Variants in SLC24A2 observed in about 807,000 individuals in gnomAD.
SLC24A2 encodes sodium/potassium/calcium exchanger 2.
In SLC24A2, 36 loss-of-function variants were observed where a neutral mutation model predicts 62.0. The ratio of observed to expected loss-of-function variants is 0.58; its 90% CI spans 0.44 to 0.77. SLC24A2 has a LOEUF of 0.77. SLC24A2 is among the 30% of genes least tolerant of loss of function. SLC24A2 has a pLI of 0.00. For synonymous variants in SLC24A2, 358 were observed against 294.0 expected (o/e 1.22, Z -2.23); for missense variants, 846 against 817.9 (o/e 1.03, Z -0.42).
the SLC24A2 span, chr9:19,927,814 C>T: frequency 6.6e-6 from 1 of 152,332 alleles, no homozygotes; most frequent in East Asian, 1.9e-4. Context: ...GGGGTGTGAA[C>T]TGAAACCCAA....
the SLC24A2 span, among the ~76,000 whole-genome samples, chr9:20,196,177 C>A: frequency 6.6e-6 from 1 of 152,152 alleles, no homozygotes; most frequent in South Asian, 2.1e-4. Context: ...CACTATTTGA[C>A]AATATGTATA....
chr9:19,790,064 C>T (rs758625975), upstream of SLC24A2, among the ~76,000 whole-genome samples: 3 of 151,460 alleles, frequency 2.0e-5, no homozygotes, highest in East Asian at 3.9e-4. Context: ...CTTCCCCCCA[C>T]CCCCCAATCA....
At chr9:19,990,882 C>T in the SLC24A2 span, among the ~76,000 whole-genome samples, 5 of 119,520 alleles carry the variant, frequency 4.2e-5, no homozygotes, top group African/African-American at 1.3e-4. Context: ...AATAGGGTTC[C>T]GTGCTGTATT....
the SLC24A2 span, among the ~76,000 whole-genome samples, chr9:20,275,780 C>T: frequency 2.6e-5 from 4 of 152,178 alleles, no homozygotes; most frequent in Non-Finnish European, 4.4e-5. Flanking sequence ...TTTGATGCGG[C>T]TGGGGAGGCC....
chr9:20,235,971 C>T, the SLC24A2 span, among the ~76,000 whole-genome samples: 1 of 152,174 alleles, frequency 6.6e-6, no homozygotes, highest in African/African-American at 2.4e-5. Flanking sequence ...GTTGTACTCC[C>T]ATTATGCAAC....
chr9:19,661,280 CATATTTGTTATTTAACCGACACCTCTA>C (rs1819092357), intron 2 of SLC24A2, among the ~76,000 whole-genome samples: 1 of 151,448 alleles, frequency 6.6e-6, no homozygotes, highest in African/African-American at 2.4e-5. Flanking sequence ...CATATTTTTG[CATATTTGTTATTTAACCGACACCTCTA>C]ATGACCAGTC....
chr9:20,226,486 C>T, the SLC24A2 span, among the ~76,000 whole-genome samples: 1 of 152,114 alleles, frequency 6.6e-6, no homozygotes, highest in Admixed American at 6.6e-5. Context: ...GAGGTAAAAC[C>T]GTGGTTCACA....
chr9:19,671,558 T>C (rs773163281), intron 2 of SLC24A2, among the ~76,000 whole-genome samples: 1 of 152,158 alleles, frequency 6.6e-6, no homozygotes, highest in East Asian at 1.9e-4. Flanking sequence ...CTTTCTCTTA[T>C]CTGATTGCTC....
intron 2 of SLC24A2, among the ~76,000 whole-genome samples, chr9:19,668,483 T>C (rs1448297941): frequency 3.9e-5 from 6 of 152,214 alleles, no homozygotes; most frequent in Admixed American, 3.9e-4. Flanking sequence ...TCAATCTTTG[T>C]TCTCCTCTAC....
At chr9:19,744,294 C>T (rs1018280707) in intron 2 of SLC24A2, among the ~76,000 whole-genome samples, 1 of 152,104 alleles carries the variant, frequency 6.6e-6, no homozygotes, top group Non-Finnish European at 1.5e-5. Flanking sequence ...TGGATGTTCC[C>T]ATTTCTTCTT....
chr9:19,867,409 T>G, the SLC24A2 span, among the ~76,000 whole-genome samples: 2 of 152,190 alleles, frequency 1.3e-5, no homozygotes, highest in Non-Finnish European at 2.9e-5. Context: ...TCGATTTCAG[T>G]AATTTGTGTC....
chr9:19,906,898 C>CA, the SLC24A2 span, among the ~76,000 whole-genome samples: 1 of 152,164 alleles, frequency 6.6e-6, no homozygotes, highest in Non-Finnish European at 1.5e-5. Context: ...ACCAGAGGTA[C>CA]AAGGAGGAGC....
the SLC24A2 span, among the ~76,000 whole-genome samples, chr9:20,166,046 CATT>C: frequency 1.3e-5 from 2 of 151,744 alleles, no homozygotes; most frequent in African/African-American, 4.8e-5. Flanking sequence ...AAAAATTAAA[CATT>C]ATAAGATTGA....
chr9:19,785,814 A>G (rs1280269192), intron 2 of SLC24A2, 123 bp downstream of exon 2: 2 of 1,282,026 alleles, frequency 1.6e-6, no homozygotes, highest in African/African-American at 2.9e-5. Context: ...GAACTGCAGA[A>G]TCAATCTGCT....
chr9:19,820,595 A>G, the SLC24A2 span, among the ~76,000 whole-genome samples: 2 of 151,968 alleles, frequency 1.3e-5, no homozygotes, highest in African/African-American at 4.8e-5. Flanking sequence ...AGTGATTTGT[A>G]ATAGAAAAAC....
chr9:19,873,021 G>A, the SLC24A2 span, among the ~76,000 whole-genome samples: 1 of 151,770 alleles, frequency 6.6e-6, no homozygotes, highest in Non-Finnish European at 1.5e-5. Flanking sequence ...AATGATTCAG[G>A]GCATTATAGA....
chr9:19,904,360 G>C, the SLC24A2 span, among the ~76,000 whole-genome samples: 8 of 152,276 alleles, frequency 5.3e-5, no homozygotes, highest in Non-Finnish European at 1.2e-4. Context: ...CTGTAGCCAT[G>C]TGCTCTCTTA....
At chr9:19,907,043 A>G in the SLC24A2 span, among the ~76,000 whole-genome samples, 1 of 152,226 alleles carries the variant, frequency 6.6e-6, no homozygotes. Flanking sequence ...TTTTAGACCA[A>G]TATCCCTGAT....
At chr9:19,961,019 G>GTGT in the SLC24A2 span, among the ~76,000 whole-genome samples, 3 of 80,336 alleles carry the variant, frequency 3.7e-5, no homozygotes, top group Admixed American at 3.8e-4. Context: ...GGATTAGAGG[G>GTGT]GTGGGTGTGT....
Sources: allele counts gnomAD v4.1 joint callset (sites outside exome capture counted in the v4.1 genomes callset), GRCh38; gene constraint gnomAD v4.1.1; transcripts MANE v1.5; gene names NCBI Gene and HGNC (gene_info 2026-07-23, HGNC 2026-07-21).